FYCO1: variants seen among roughly 807,000 people sequenced by gnomAD.
FYCO1 encodes the protein FYVE and coiled-coil domain autophagy adaptor 1.
A neutral mutation model predicts 165.1 loss-of-function variants in FYCO1; 122 were observed. That is an observed-to-expected ratio of 0.74 (90% CI 0.64 to 0.86). The LOEUF is 0.86. FYCO1 is among the 40% of genes least tolerant of loss of function. FYCO1 has a pLI of 0.00. For missense variants in FYCO1, 1,702 were observed against 1,810.3 expected, an observed-to-expected ratio of 0.94 and a Z score of 1.09; for synonymous variants, 648 against 742.5, an observed-to-expected ratio of 0.87 and a Z score of 2.07.
intron 5 of FYCO1, 99 bp downstream of exon 5, chr3:45,975,140 A>G: frequency 1.2e-6 from 1 of 856,854 alleles, no homozygotes; most frequent in East Asian, 2.4e-5. Context: ...CACGGGGGAC[A>G]CAAATGAGCA....
rs1331545001 is a variant in FYCO1, at chr3:45,964,185, A to T, written c.3269+151T>A. 2 of 719,946 alleles carry T rather than the reference A, an allele frequency of 2.8e-6. No individual in the cohort carries two copies. The highest frequency in any genetic ancestry group is 5.0e-6 in the Non-Finnish European group (2 of 397,606). 44.6% of individuals were successfully genotyped at this position (719,946 alleles called of 1,614,324 possible). On this transcript the variant is annotated intron_variant, in intron 10 of 17. Coordinates refer to ENST00000296137, the MANE Select transcript of FYCO1 (RefSeq NM_024513.4). This position sits in a 1 kb window ranked among gnomAD's most constrained non-coding sequence, Gnocchi z 4.1. ...GGCAGGCAACCAGGTTCTCTGTGGC[A>T]TGCTTCCAGCAGAAGCACTTTCTGA... is the stretch of plus-strand genomic sequence containing the variant.
chr3:45,964,562 T>C lies in FYCO1; in HGVS notation c.3151-108A>G. 1.9e-6 allele frequency: 3 copies of C among 1,556,436 alleles called. No individual in the cohort carries two copies. Among genetic ancestry groups the C allele is most frequent in the Non-Finnish European group, 2.6e-6 (3 of 1,153,206 alleles). On this transcript the variant is annotated intron_variant, in intron 9 of 17. Transcript: ENST00000296137. This position sits in a 1 kb window ranked among gnomAD's most constrained non-coding sequence, Gnocchi z 4.1. ...CCCATCTGGCTGGGTCACTTCTAAA[T>C]GGAGGGTTGTTTCCTATTAAGTTCA...
rs1703092512 is a variant in FYCO1 at position 45,921,587 on chromosome 3, G to T, written c.*178C>A. 4.7e-6 allele frequency: 3 copies of T among 639,474 alleles called. No homozygotes were observed. Among genetic ancestry groups the T allele is most frequent in the Admixed American group, 4.5e-5 (2 of 44,822 alleles). The allele number at this position is 639,474 out of a possible 1,614,324, so 39.6% of individuals were successfully genotyped here. A position where few individuals can be genotyped will look rare whatever the true frequency, so the allele number is the denominator to read the frequency against. ...AGCCCTTCAACGCCTCGGGGGCTAA[G>T]AGTGGCCGGTGCAGAGTGCTGAGCA... is the stretch of plus-strand genomic sequence containing the variant. On this transcript the variant is annotated 3_prime_UTR_variant, in exon 18 of 18. Coordinates refer to ENST00000296137, the MANE Select transcript of FYCO1 (RefSeq NM_024513.4).
At chr3:45,972,872 A>G (rs1338305674) in intron 6 of FYCO1, among the ~76,000 whole-genome samples, 1 of 152,210 alleles carries the variant, frequency 6.6e-6, no homozygotes, top group African/African-American at 2.4e-5. Flanking sequence ...CCACTGACTC[A>G]TGCCCTGGCC....
At chr3:45,955,436 C>G (rs756514004) in intron 13 of FYCO1, 43 bp from the exon 14 acceptor site, 3 of 1,612,140 alleles carry the variant, frequency 1.9e-6, no homozygotes, top group South Asian at 2.2e-5. Flanking sequence ...ACACAACACA[C>G]TGTTATGCAT....
chr3:45,982,911 G>T (rs2125872142), intron 2 of FYCO1, among the ~76,000 whole-genome samples: 1 of 152,334 alleles, frequency 6.6e-6, no homozygotes, highest in South Asian at 2.1e-4. Context: ...GGGCCTGGGA[G>T]AGACAAAGAG....
At chr3:45,946,110 G>A (rs1381691766) in intron 14 of FYCO1, 2 of 210,770 alleles carry the variant, frequency 9.5e-6, no homozygotes, top group African/African-American at 4.6e-5. Flanking sequence ...TCCATCATCA[G>A]TGTTGCTCTT....
intron 1 of FYCO1, among the ~76,000 whole-genome samples, chr3:45,989,360 A>C (rs781691079): frequency 7.2e-5 from 11 of 152,204 alleles, no homozygotes; most frequent in Non-Finnish European, 8.8e-5. Flanking sequence ...TACCACCTAC[A>C]GAAAGGGAGG....
intron 14 of FYCO1, among the ~76,000 whole-genome samples, chr3:45,948,721 A>G (rs1348775494): frequency 1.3e-5 from 2 of 152,222 alleles, no homozygotes; most frequent in Non-Finnish European, 2.9e-5. Flanking sequence ...GACAACAGCT[A>G]AGTAGAATGC....
chr3:45,953,671 T>C (rs1329483098), intron 14 of FYCO1, among the ~76,000 whole-genome samples: 2 of 152,218 alleles, frequency 1.3e-5, no homozygotes, highest in Non-Finnish European at 2.9e-5. Flanking sequence ...GTGTAAGCTA[T>C]AGCATTCTTG....
At position 45,993,745 on chromosome 3, in the gene FYCO1, ATCTAGG is replaced by A. The variant is rs1465422327; in HGVS notation, c.-113+1971_-113+1976del. ...TGCTTGCAGTGAACGTGGTTCCTAA[ATCTAGG>A]TGCCTACCAGTGATTTCCACCATAA... On this transcript the variant is annotated intron_variant, in intron 1 of 17. Transcript: ENST00000296137. The surrounding 1 kb of genome is among the most constrained non-coding windows in gnomAD (Gnocchi z 4.4). Among the ~76,000 whole-genome samples, 1 of 152,150 alleles carries A rather than the reference ATCTAGG, an allele frequency of 6.6e-6. No homozygotes were observed. The highest frequency in any genetic ancestry group is 2.4e-5 in the African/African-American group (1 of 41,424).
intron 14 of FYCO1, among the ~76,000 whole-genome samples, chr3:45,950,253 G>A (rs1272833257): frequency 6.6e-6 from 1 of 151,026 alleles, no homozygotes; most frequent in Non-Finnish European, 1.5e-5. Context: ...AGGGTTGGAG[G>A]GTAAAGGATG....
chr3:45,966,333 T>G lies in FYCO1; in HGVS notation c.3001A>C (p.Asn1001His). ...SLQEAAHQEL[N>H]TLKFQLSAEI... ...GCACTCAGCTGGAACTTGAGGGTGTTGAGCTCCTGGTGTGCAGCCTCTTGG... is the reference window on the plus strand; with the variant it reads ...GCACTCAGCTGGAACTTGAGGGTGTGGAGCTCCTGGTGTGCAGCCTCTTGG... Residue 1001 changes from asparagine to histidine, a missense_variant, in exon 8 of 18, where the codon AAC becomes CAC. Transcript: ENST00000296137. 1 of 1,614,032 alleles carries G rather than the reference T, an allele frequency of 6.2e-7. No individual in the cohort carries two copies. Among genetic ancestry groups the G allele is most frequent in the Non-Finnish European group, 8.5e-7 (1 of 1,179,938 alleles).
At position 45,992,226 on chromosome 3, in the gene FYCO1, A is replaced by G. The variant is rs1398058496; in HGVS notation, c.-113+3496T>C. On this transcript the variant is annotated intron_variant, in intron 1 of 17. Coordinates refer to ENST00000296137, the MANE Select transcript of FYCO1 (RefSeq NM_024513.4). ...AAGTGTGCATGTGACACCATCAACAAGGCAACCTGGGGAGGGGAGGTGCTG... is the reference window on the plus strand; with the variant it reads ...AAGTGTGCATGTGACACCATCAACAGGGCAACCTGGGGAGGGGAGGTGCTG... Among the ~76,000 whole-genome samples, 5 of 152,268 alleles carry G rather than the reference A, an allele frequency of 3.3e-5. No homozygotes were observed. The East Asian group carries it at 9.7e-4, about 29-fold the overall frequency.
chr3:45,928,244 A>G (rs1664559615), intron 16 of FYCO1, among the ~76,000 whole-genome samples: 1 of 152,202 alleles, frequency 6.6e-6, no homozygotes, highest in African/African-American at 2.4e-5. Context: ...TATCTCAATA[A>G]AGCTGTTTTA....
chr3:45,924,935 A>T (rs1166934148), intron 16 of FYCO1, among the ~76,000 whole-genome samples: 1 of 85,236 alleles, frequency 1.2e-5, no homozygotes, highest in African/African-American at 3.8e-5. Flanking sequence ...CATTTAAAAA[A>T]AATTTTTTTT....
rs1702964703 is a variant in FYCO1 at position 45,917,916 on chromosome 3, GTTTAC to G, written c.*3844_*3848del. On this transcript the variant is annotated 3_prime_UTR_variant, in exon 18 of 18. Transcript: ENST00000296137. The surrounding 1 kb of genome is among the most constrained non-coding windows in gnomAD (Gnocchi z 4.2). ...GAGACAAATGTCTAAATGTCATAGT[GTTTAC>G]TTTATTTAAATCCTGAGGTTAAAAA... 6.6e-6 allele frequency: 1 copy of G among 152,558 alleles called. No homozygotes were observed. Among genetic ancestry groups the G allele is most frequent in the South Asian group, 2.1e-4 (1 of 4,828 alleles). 9.5% of individuals were successfully genotyped at this position (152,558 alleles called of 1,614,324 possible). A position where few individuals can be genotyped will look rare whatever the true frequency, so the allele number is the denominator to read the frequency against.
chr3:45,990,781 C>CT (rs926922619), intron 1 of FYCO1, among the ~76,000 whole-genome samples: 3 of 151,734 alleles, frequency 2.0e-5, no homozygotes, highest in East Asian at 1.9e-4. Flanking sequence ...AACAAGAGCA[C>CT]TTTTTTTTTG....
At chr3:45,988,874 C>T (rs1366814124) in intron 1 of FYCO1, among the ~76,000 whole-genome samples, 3 of 152,162 alleles carry the variant, frequency 2.0e-5, no homozygotes, top group Admixed American at 6.5e-5. Context: ...CCTTCTCTGA[C>T]CTCCAAGTTT....
Sources: allele counts gnomAD v4.1 joint callset (sites outside exome capture counted in the v4.1 genomes callset), GRCh38; gene constraint gnomAD v4.1.1; non-coding constraint Gnocchi (gnomAD v3.1); transcripts MANE v1.5; gene names NCBI Gene and HGNC (gene_info 2026-07-23, HGNC 2026-07-21).